Variants in GRID1 observed in about 807,000 individuals in gnomAD.
GRID1 encodes the protein glutamate receptor ionotropic, delta-1.
Under a neutral mutation model 98.0 loss-of-function variants are expected in GRID1, and 28 were observed. The observed-to-expected ratio is 0.29, with a 90% CI of 0.21 to 0.39. The LOEUF (loss-of-function observed/expected upper bound fraction) is 0.39. GRID1 is among the 10% of genes least tolerant of loss of function. The probability of loss-of-function intolerance (pLI) is 1.00; values close to 1 mark genes in which losing one functional copy is unlikely to be tolerated. For synonymous variants in GRID1, 553 were observed against 538.5 expected (o/e 1.03, Z -0.37); for missense variants, 1,111 against 1,340.5 (o/e 0.83, Z 2.67).
chr10:86,351,305 G>GAC (rs947928134), intron 2 of GRID1, among the ~76,000 whole-genome samples: 2 of 152,388 alleles, frequency 1.3e-5, no homozygotes, highest in Non-Finnish European at 2.9e-5. Flanking sequence ...GTCAGGTACA[G>GAC]ACACACACGG....
At chr10:86,006,203 TC>T (rs1290710221) in intron 4 of GRID1, among the ~76,000 whole-genome samples, 1 of 152,234 alleles carries the variant, frequency 6.6e-6, no homozygotes, top group Non-Finnish European at 1.5e-5. Context: ...GGTCAGGTCA[TC>T]AGACAGATGA....
intron 4 of GRID1, among the ~76,000 whole-genome samples, chr10:86,029,099 T>G (rs1390539022): frequency 2.0e-5 from 3 of 152,208 alleles, no homozygotes; most frequent in Non-Finnish European, 4.4e-5. Flanking sequence ...ATCTCCAGCA[T>G]AGTAGATCCA....
intron 8 of GRID1, among the ~76,000 whole-genome samples, chr10:85,756,096 C>T (rs1168304831): frequency 6.6e-6 from 1 of 152,132 alleles, no homozygotes; most frequent in Non-Finnish European, 1.5e-5. Flanking sequence ...GAGCCTGAAA[C>T]CACAAATAGT....
intron 4 of GRID1, among the ~76,000 whole-genome samples, chr10:85,979,714 C>T (rs936217592): frequency 3.3e-5 from 5 of 152,196 alleles, no homozygotes; most frequent in Admixed American, 2.0e-4. Flanking sequence ...AGGATTCCAG[C>T]TTATCTTTTT....
At chr10:85,974,938 G>A (rs1012659074) in intron 4 of GRID1, among the ~76,000 whole-genome samples, 2 of 152,196 alleles carry the variant, frequency 1.3e-5, no homozygotes, top group African/African-American at 4.8e-5. Flanking sequence ...GCCTTCCTTT[G>A]ATTGACTTTG....
chr10:85,962,249 C>G lies in GRID1; in HGVS notation c.727-46010G>C, dbSNP rs185819208. ...CTTCCCGGCATTCCTTTCCAGCATC[C>G]CCGGGTTCATTGCTCTCCCCTACAA... On this transcript the variant is annotated intron_variant, in intron 4 of 15. Transcript: ENST00000327946. 9.4e-4 allele frequency among the ~76,000 whole-genome samples: 143 copies of G among 152,312 alleles called. 1 individual carries two copies. Among genetic ancestry groups the G allele is most frequent in the Middle Eastern group, 3.4e-3 (1 of 294 alleles).
At chr10:86,200,733 G>A (rs1350361619) in intron 3 of GRID1, among the ~76,000 whole-genome samples, 1 of 151,990 alleles carries the variant, frequency 6.6e-6, no homozygotes, top group African/African-American at 2.4e-5. Flanking sequence ...CACTTAAAAA[G>A]AAAAGGCTCG....
intron 2 of GRID1, among the ~76,000 whole-genome samples, chr10:86,329,240 G>A (rs1589451031): frequency 6.6e-6 from 1 of 152,214 alleles, no homozygotes; most frequent in Non-Finnish European, 1.5e-5. Context: ...AGACATGCAT[G>A]CTGCCTGCTG....
At chr10:85,664,232 C>T (rs572578994) in intron 12 of GRID1, among the ~76,000 whole-genome samples, 1 of 152,202 alleles carries the variant, frequency 6.6e-6, no homozygotes, top group South Asian at 2.1e-4. Flanking sequence ...AAAAGAATGC[C>T]TACTATGTGC....
intron 12 of GRID1, among the ~76,000 whole-genome samples, chr10:85,703,033 G>T (rs1406067010): frequency 6.6e-6 from 1 of 151,918 alleles, no homozygotes; most frequent in African/African-American, 2.4e-5. Flanking sequence ...AAGTTGTGAG[G>T]GGGTAAGAGA....
intron 5 of GRID1, among the ~76,000 whole-genome samples, chr10:85,893,939 A>G (rs61855977): frequency 0.011 from 1,703 of 152,320 alleles, 14 homozygotes; most frequent in Non-Finnish European, 0.016. Context: ...TTGTGTCCTG[A>G]GTGCCTCACT....
At chr10:85,943,123 C>T (rs764030097) in intron 4 of GRID1, among the ~76,000 whole-genome samples, 5 of 152,230 alleles carry the variant, frequency 3.3e-5, no homozygotes, top group Non-Finnish European at 7.4e-5. Flanking sequence ...CTCTTGCTCA[C>T]TTGATAAACT....
intron 2 of GRID1, among the ~76,000 whole-genome samples, chr10:86,316,040 C>T (rs1847894341): frequency 1.3e-5 from 2 of 152,198 alleles, no homozygotes; most frequent in African/African-American, 4.8e-5. Context: ...ACCTACACAC[C>T]CATCCCCCAC....
chr10:86,354,755 C>A (rs1258588183), intron 2 of GRID1, among the ~76,000 whole-genome samples: 1 of 152,220 alleles, frequency 6.6e-6, no homozygotes, highest in African/African-American at 2.4e-5. Context: ...GGATTCTGGC[C>A]ACTCTATGCA....
chr10:86,122,488 A>G (rs1458092107), intron 4 of GRID1, among the ~76,000 whole-genome samples: 1 of 152,196 alleles, frequency 6.6e-6, no homozygotes, highest in Non-Finnish European at 1.5e-5. Flanking sequence ...GAAATACCCA[A>G]CAGCTGGAAG....
At chr10:86,087,341 TTGTG>T (rs10591518) in intron 4 of GRID1, among the ~76,000 whole-genome samples, 15,235 of 147,924 alleles carry the variant, frequency 0.1, 1,938 homozygotes, top group African/African-American at 0.3. Flanking sequence ...TTGAGTGTGT[TTGTG>T]TGTGTGTGTG....
chr10:85,865,801 G>T (rs934667044), intron 6 of GRID1, among the ~76,000 whole-genome samples: 3 of 151,148 alleles, frequency 2.0e-5, no homozygotes, highest in African/African-American at 4.9e-5. Flanking sequence ...GTAGTTGTTG[G>T]GCAGGATGAA....
At chr10:85,673,376 C>T (rs1261022284) in intron 12 of GRID1, among the ~76,000 whole-genome samples, 2 of 152,162 alleles carry the variant, frequency 1.3e-5, no homozygotes, top group East Asian at 3.9e-4. Context: ...AGTGTGACTC[C>T]AACGTTCACA....
chr10:85,847,177 A>T (rs1237746893), intron 8 of GRID1, among the ~76,000 whole-genome samples: 1 of 152,246 alleles, frequency 6.6e-6, no homozygotes, highest in Non-Finnish European at 1.5e-5. Flanking sequence ...TACAGAATGG[A>T]GACACACAGA....
Sources: gnomAD v4.1 joint callset for allele counts (sites outside exome capture counted in the v4.1 genomes callset) on GRCh38, gnomAD v4.1.1 for gene constraint, MANE v1.5 for transcripts, NCBI Gene and HGNC (gene_info 2026-07-23, HGNC 2026-07-21) for gene names.